The following PRSS38 variants were observed in gnomAD, a reference collection of about 807,000 sequenced individuals.
PRSS38 encodes the protein marapsin 2.
In PRSS38, 22 loss-of-function variants were observed where a neutral mutation model predicts 26.8. The observed-to-expected ratio is 0.82, with a 90% CI of 0.59 to 1.17. The LOEUF is 1.17. Among genes scored for constraint, PRSS38 ranks in the 50% most tolerant of loss-of-function variants. The pLI, the probability that PRSS38 is intolerant of heterozygous loss-of-function variation, is 0.00. For synonymous variants in PRSS38, 175 were observed against 172.1 expected, an observed-to-expected ratio of 1.02 and a Z score of -0.13; for missense variants, 427 against 422.7, an observed-to-expected ratio of 1.01 and a Z score of -0.09.
At chr1:227,821,882 C>A (rs965986693) in intron 3 of PRSS38, among the ~76,000 whole-genome samples, 1 of 152,094 alleles carries the variant, frequency 6.6e-6, no homozygotes, top group African/African-American at 2.4e-5. Context: ...CAGCAGATTG[C>A]AAAATTTTGG....
chr1:227,820,980 C>T (rs924402713), intron 3 of PRSS38, among the ~76,000 whole-genome samples: 2 of 152,080 alleles, frequency 1.3e-5, no homozygotes, highest in African/African-American at 4.8e-5. Context: ...TCTATTTCAT[C>T]CAAGTTATCT....
At chr1:227,845,210 G>A (rs1665407702) in intron 3 of PRSS38, among the ~76,000 whole-genome samples, 1 of 146,226 alleles carries the variant, frequency 6.8e-6, no homozygotes, top group Non-Finnish European at 1.5e-5. Context: ...TATGTGTGGT[G>A]GGGCTCCTCC....
At chr1:227,845,229 GGTGGAGCTCCTCCCTATGTATA>G (rs1665408138) in intron 3 of PRSS38, among the ~76,000 whole-genome samples, 1 of 148,166 alleles carries the variant, frequency 6.7e-6, no homozygotes, top group Non-Finnish European at 1.5e-5. Context: ...CCCTATGTGT[GGTGGAGCTCCTCCCTATGTATA>G]GTGGAGCTCC....
At chr1:227,826,831 T>C (rs535336554) in intron 3 of PRSS38, among the ~76,000 whole-genome samples, 16 of 152,340 alleles carry the variant, frequency 1.1e-4, no homozygotes, top group Non-Finnish European at 2.1e-4. Context: ...TTGTCATATA[T>C]GGCTCTTATT....
chr1:227,820,752 T>C (rs893401511), intron 3 of PRSS38, among the ~76,000 whole-genome samples: 1 of 152,234 alleles, frequency 6.6e-6, no homozygotes, highest in Non-Finnish European at 1.5e-5. Flanking sequence ...TTATGAAGTG[T>C]TGCTTCCTCT....
chr1:227,831,173 A>T (rs1459886783), intron 3 of PRSS38, among the ~76,000 whole-genome samples: 1 of 151,886 alleles, frequency 6.6e-6, no homozygotes, highest in African/African-American at 2.4e-5. Context: ...AAAGCTATAA[A>T]TTTCCCTCTA....
At chr1:227,820,682 A>C (rs920893045) in intron 3 of PRSS38, among the ~76,000 whole-genome samples, 4 of 152,124 alleles carry the variant, frequency 2.6e-5, no homozygotes, top group African/African-American at 9.7e-5. Context: ...ATCTGTAGTT[A>C]TATTTTCTTA....
rs140728479 is a variant in PRSS38 at position 227,833,945 on chromosome 1, C to T, written c.584-11525C>T. ...ATAAATGGGACATTTTAGAAATAGGCTATTTGCAGATGTAATCAAGTTAAG... is the reference window on the plus strand; with the variant it reads ...ATAAATGGGACATTTTAGAAATAGGTTATTTGCAGATGTAATCAAGTTAAG... On this transcript the variant is annotated intron_variant, in intron 3 of 4. Coordinates refer to ENST00000366757, the Ensembl canonical transcript of PRSS38. 3.3e-5 allele frequency among the ~76,000 whole-genome samples: 5 copies of T among 152,248 alleles called. No homozygotes were observed. In the East Asian group the frequency reaches 9.6e-4, roughly 29 times the overall value.
At chr1:227,845,883 C>G in intron 4 of PRSS38, 71 bp from the exon 5 acceptor site, 1 of 1,575,606 alleles carries the variant, frequency 6.3e-7, no homozygotes, top group East Asian at 2.2e-5. Flanking sequence ...CCCTTGCACC[C>G]TGGGGGACAG....
intron 3 of PRSS38, among the ~76,000 whole-genome samples, chr1:227,819,181 A>G (rs968970983): frequency 2.0e-5 from 3 of 152,126 alleles, no homozygotes; most frequent in Non-Finnish European, 4.4e-5. Context: ...GCATTGGTGT[A>G]TGTGGGGAGA....
chr1:227,815,679 G>GGA, upstream of PRSS38: 1 of 1,538,704 alleles, frequency 6.5e-7, no homozygotes, highest in Non-Finnish European at 8.8e-7. Flanking sequence ...TCACATGTCG[G>GGA]GAGCTAGTCA....
At chr1:227,830,801 G>A (rs186162658) in intron 3 of PRSS38, among the ~76,000 whole-genome samples, 5 of 151,974 alleles carry the variant, frequency 3.3e-5, no homozygotes, top group African/African-American at 9.6e-5. Context: ...CACCGTGCCC[G>A]GCCTTAAGGT....
intron 3 of PRSS38, among the ~76,000 whole-genome samples, chr1:227,823,835 C>A (rs1022291343): frequency 1.3e-5 from 2 of 152,154 alleles, no homozygotes; most frequent in Admixed American, 1.3e-4. Context: ...ATAATTTCCC[C>A]AGCCTCAGTT....
At chr1:227,844,835 G>A (rs1348441693) in intron 3 of PRSS38, among the ~76,000 whole-genome samples, 2 of 150,382 alleles carry the variant, frequency 1.3e-5, no homozygotes, top group Non-Finnish European at 3.0e-5. Flanking sequence ...TGGGCAGTGG[G>A]GCTCCTCCCT....
intron 3 of PRSS38, among the ~76,000 whole-genome samples, chr1:227,844,615 G>A (rs978664409): frequency 4.1e-5 from 6 of 147,808 alleles, no homozygotes; most frequent in Non-Finnish European, 9.0e-5. Flanking sequence ...ATGTGTGGTG[G>A]GGCTCCTCCC....
chr1:227,827,397 G>T (rs1398289364), intron 3 of PRSS38, among the ~76,000 whole-genome samples: 1 of 151,950 alleles, frequency 6.6e-6, no homozygotes, highest in Non-Finnish European at 1.5e-5. Flanking sequence ...ATTTCTTCTT[G>T]GTTCAGTCTT....
chr1:227,818,300 G>T (rs1664951585), intron 3 of PRSS38, among the ~76,000 whole-genome samples: 1 of 152,122 alleles, frequency 6.6e-6, no homozygotes, highest in Admixed American at 6.5e-5. Context: ...AAAAATTATA[G>T]AAAATTATTG....
intron 3 of PRSS38, among the ~76,000 whole-genome samples, chr1:227,821,859 G>C (rs1452258998): frequency 6.6e-6 from 1 of 152,066 alleles, no homozygotes; most frequent in African/African-American, 2.4e-5. Flanking sequence ...TGAATTTGTA[G>C]ATTTAAATAT....
intron 1 of PRSS38, 90 bp from the exon 2 acceptor site, chr1:227,816,000 T>A: frequency 6.8e-7 from 1 of 1,480,036 alleles, no homozygotes; most frequent in East Asian, 2.3e-5. Flanking sequence ...CTTCCTCCTG[T>A]GTCCCCTGCC....
Sources: gnomAD v4.1 joint callset for allele counts (sites outside exome capture counted in the v4.1 genomes callset) on GRCh38, gnomAD v4.1.1 for gene constraint, MANE v1.5 for transcripts, NCBI Gene and HGNC (gene_info 2026-07-23, HGNC 2026-07-21) for gene names.